Variants in PSD3 observed in about 807,000 individuals in gnomAD.
PSD3 encodes PH and SEC7 domain-containing protein 3.
A neutral mutation model predicts 105.5 loss-of-function variants in PSD3; 49 were observed. The ratio of observed to expected loss-of-function variants is 0.46; its 90% CI spans 0.37 to 0.59. The LOEUF (loss-of-function observed/expected upper bound fraction) is 0.59. Ranked by LOEUF, PSD3 falls within the 20% of genes least tolerant of loss-of-function variation. PSD3 has a pLI of 0.00. For missense variants in PSD3, 1,561 were observed against 1,263.8 expected, an observed-to-expected ratio of 1.24 and a Z score of -3.57; for synonymous variants, 557 against 457.8, an observed-to-expected ratio of 1.22 and a Z score of -2.77.
At chr8:18,753,354 CA>C (rs558680452) in intron 9 of PSD3, among the ~76,000 whole-genome samples, 2,777 of 139,744 alleles carry the variant, frequency 0.02, 59 homozygotes, top group Admixed American at 0.045. Flanking sequence ...ACTCCAACTC[CA>C]AAAAAAAAAA....
At chr8:18,905,416 C>G (rs369345438) in intron 2 of PSD3, among the ~76,000 whole-genome samples, 5 of 152,146 alleles carry the variant, frequency 3.3e-5, no homozygotes, top group East Asian at 3.9e-4. Context: ...CTCCACCTCC[C>G]AGGTTCAAGC....
chr8:19,060,989 A>G (rs1214586833), intron 1 of PSD3, among the ~76,000 whole-genome samples: 1 of 152,106 alleles, frequency 6.6e-6, no homozygotes, highest in Non-Finnish European at 1.5e-5. Flanking sequence ...GACTTCTTTC[A>G]GCCAGCCACA....
chr8:18,771,479 C>T (rs1807523652), intron 8 of PSD3, among the ~76,000 whole-genome samples: 1 of 152,156 alleles, frequency 6.6e-6, no homozygotes, highest in Non-Finnish European at 1.5e-5. Context: ...AGCATTAGCT[C>T]TTATATTTAG....
chr8:19,010,455 G>C (rs187548719), intron 1 of PSD3, among the ~76,000 whole-genome samples: 19 of 152,284 alleles, frequency 1.2e-4, no homozygotes, highest in Admixed American at 9.8e-4. Flanking sequence ...TATTAATGTT[G>C]AGTTATGCCT....
chr8:19,013,632 G>A lies in PSD3; in HGVS notation c.-49C>T, dbSNP rs746875277. On this transcript the variant is annotated 5_prime_UTR_variant, in exon 1 of 16. Transcript: ENST00000327040. ...CGCCGAAACCGCCGCCGGGCGCTCCGGGGCCGCAGCCTCAGGGCGCGAGTG... is the reference window on the plus strand; with the variant it reads ...CGCCGAAACCGCCGCCGGGCGCTCCAGGGCCGCAGCCTCAGGGCGCGAGTG... 3.8e-6 allele frequency: 5 copies of A among 1,331,364 alleles called. No homozygotes were observed. Among genetic ancestry groups the A allele is most frequent in the Non-Finnish European group, 3.8e-6 (4 of 1,049,002 alleles). The allele number at this position is 1,331,364 out of a possible 1,614,324, so 82.5% of individuals were successfully genotyped here.
rs1239862723 is a variant in PSD3 at position 18,871,856 on chromosome 8, C to G, written c.1008G>C (p.Glu336Asp). 5.0e-6 allele frequency: 8 copies of G among 1,614,100 alleles called. No homozygotes were observed. The highest frequency in any genetic ancestry group is 6.8e-6 in the Non-Finnish European group (8 of 1,180,036). Residue 336 changes from glutamate to aspartate, a missense_variant, in exon 3 of 16, where the codon GAG becomes GAC. Coordinates refer to ENST00000327040, the MANE Select transcript of PSD3 (RefSeq NM_015310.4). ...TGAGATGGCGTGGCACTTTGGAAGA[C>G]TCTTTGCTGTCAGGAGAGGCTGTTC... ...LQRTASPDSKESSKVPRHLIS... is the reference protein window; with the variant it reads ...LQRTASPDSKDSSKVPRHLIS...
At chr8:18,912,006 A>G (rs565481522) in intron 2 of PSD3, among the ~76,000 whole-genome samples, 4 of 152,298 alleles carry the variant, frequency 2.6e-5, no homozygotes, top group African/African-American at 9.6e-5. Context: ...AATTATTATG[A>G]CTCCAACAAG....
rs959335020 is a variant in PSD3, at chr8:18,528,489, C to G, written c.*7254G>C. On this transcript the variant is annotated 3_prime_UTR_variant, in exon 16 of 16. Coordinates refer to ENST00000327040, the MANE Select transcript of PSD3 (RefSeq NM_015310.4). ...TTGATACCTTGCCTCAGCAGGGTCA[C>G]GCTATCAGGACACCTGGATCCCTAA... 1 of 152,216 alleles carries G rather than the reference C, an allele frequency of 6.6e-6. No homozygotes were observed. The highest frequency in any genetic ancestry group is 2.1e-4 in the South Asian group (1 of 4,828). The allele number at this position is 152,216 out of a possible 1,614,324, so 9.4% of individuals were successfully genotyped here. A position where few individuals can be genotyped will look rare whatever the true frequency, so the allele number is the denominator to read the frequency against.
At chr8:18,564,338 A>C (rs545242183) in intron 14 of PSD3, among the ~76,000 whole-genome samples, 6 of 152,296 alleles carry the variant, frequency 3.9e-5, no homozygotes, top group African/African-American at 1.4e-4. Flanking sequence ...GTAGAATATG[A>C]AAGACATTGG....
chr8:18,687,325 G>A (rs1004449402), intron 9 of PSD3, among the ~76,000 whole-genome samples: 1 of 151,954 alleles, frequency 6.6e-6, no homozygotes, highest in African/African-American at 2.4e-5. Flanking sequence ...AATTAGCCGG[G>A]CATGATGATG....
intron 12 of PSD3, among the ~76,000 whole-genome samples, chr8:18,584,052 C>G (rs544515047): frequency 3.3e-5 from 5 of 152,192 alleles, no homozygotes; most frequent in Admixed American, 3.3e-4. Context: ...AATAGGATGC[C>G]AACAGTTCCA....
intron 11 of PSD3, among the ~76,000 whole-genome samples, chr8:18,621,383 G>A (rs1452482827): frequency 1.3e-5 from 2 of 152,174 alleles, no homozygotes; most frequent in African/African-American, 4.8e-5. Context: ...ACTCCAGCCT[G>A]GGCAACAGAG....
At chr8:18,681,959 C>T (rs568687010) in intron 9 of PSD3, among the ~76,000 whole-genome samples, 109 of 151,058 alleles carry the variant, frequency 7.2e-4, no homozygotes, top group Non-Finnish European at 1.4e-3. Flanking sequence ...ACAGTTCTAC[C>T]AGTGGCCTTT....
At chr8:18,720,878 AT>A (rs898798845) in intron 9 of PSD3, 17 of 152,048 alleles carry the variant, frequency 1.1e-4, no homozygotes, top group African/African-American at 4.1e-4. Flanking sequence ...TAAAGGTTTT[AT>A]TTTTTCCTAT....
intron 1 of PSD3, among the ~76,000 whole-genome samples, chr8:19,065,233 T>C (rs954925319): frequency 2.0e-5 from 3 of 152,208 alleles, no homozygotes; most frequent in Non-Finnish European, 4.4e-5. Context: ...TTTTTTCTGC[T>C]CTTACCATAA....
chr8:19,048,755 G>T (rs1020875854), intron 1 of PSD3, among the ~76,000 whole-genome samples: 2 of 152,190 alleles, frequency 1.3e-5, no homozygotes, highest in African/African-American at 4.8e-5. Context: ...TCTTAATGAA[G>T]CTTCCTCATT....
intron 1 of PSD3, among the ~76,000 whole-genome samples, chr8:19,083,035 C>T (rs1009901570): frequency 6.6e-6 from 1 of 152,060 alleles, no homozygotes. Context: ...TGACGCAGTA[C>T]CCCCTCTAAG....
intron 14 of PSD3, among the ~76,000 whole-genome samples, chr8:18,564,073 T>G (rs558069350): frequency 6.6e-6 from 1 of 151,544 alleles, no homozygotes; most frequent in East Asian, 1.9e-4. Flanking sequence ...TTTTAATAGC[T>G]CCTTAGGCAC....
At chr8:18,650,647 G>A in intron 10 of PSD3, among the ~76,000 whole-genome samples, 1 of 152,252 alleles carries the variant, frequency 6.6e-6, no homozygotes, top group Admixed American at 6.5e-5. Context: ...ATTCATATTT[G>A]TATCTAGGGC....
Sources: gnomAD v4.1 joint callset for allele counts (sites outside exome capture counted in the v4.1 genomes callset) on GRCh38, gnomAD v4.1.1 for gene constraint, MANE v1.5 for transcripts, NCBI Gene and HGNC (gene_info 2026-07-23, HGNC 2026-07-21) for gene names.